The following CACNA2D3 variants were observed in gnomAD, a reference collection of about 807,000 sequenced individuals.
CACNA2D3 encodes the protein calcium voltage-gated channel auxiliary subunit alpha2delta 3, also known as voltage-dependent calcium channel subunit alpha-2/delta-3.
Under a neutral mutation model 160.6 loss-of-function variants are expected in CACNA2D3, and 60 were observed. The observed-to-expected ratio is 0.37, with a 90% confidence interval of 0.30 to 0.46. The LOEUF (loss-of-function observed/expected upper bound fraction) is 0.46, where lower values mean the gene tolerates loss of function less well. Among genes scored for constraint, CACNA2D3 ranks in the 20% least tolerant of loss-of-function variants. CACNA2D3 has a pLI of 1.00. For missense variants in CACNA2D3, 1,205 were observed against 1,365.0 expected (o/e 0.88, Z 1.85); for synonymous variants, 558 against 492.9 (o/e 1.13, Z -1.75).
intron 27 of CACNA2D3, among the ~76,000 whole-genome samples, chr3:54,941,438 G>C (rs2106985134): frequency 6.6e-6 from 1 of 152,212 alleles, no homozygotes; most frequent in Non-Finnish European, 1.5e-5. Context: ...ACTACTTATT[G>C]GCCCAGGGAT....
chr3:55,072,709 G>A (rs1213440228), intron 35 of CACNA2D3, among the ~76,000 whole-genome samples: 1 of 152,162 alleles, frequency 6.6e-6, no homozygotes, highest in African/African-American at 2.4e-5. Flanking sequence ...GTAGTGTTTT[G>A]TGTTTGTTAA....
At chr3:54,154,104 G>A (rs998802880) in intron 2 of CACNA2D3, among the ~76,000 whole-genome samples, 18 of 152,296 alleles carry the variant, frequency 1.2e-4, no homozygotes, top group South Asian at 2.1e-4. Context: ...CCGATAATAA[G>A]TGGACAAAAT....
intron 2 of CACNA2D3, among the ~76,000 whole-genome samples, chr3:54,235,755 G>T (rs1161331807): frequency 6.6e-6 from 1 of 152,216 alleles, no homozygotes; most frequent in Non-Finnish European, 1.5e-5. Flanking sequence ...CTCACAATAT[G>T]TATAAATAGG....
rs140641994 is a variant in CACNA2D3, at chr3:54,881,390, T to C, written c.1912+527T>C. Among the ~76,000 whole-genome samples the C allele has an allele frequency of 3.4e-3, 519 of 152,308 alleles. 3 individuals carry two copies. The highest frequency in any genetic ancestry group is 5.0e-3 in the Non-Finnish European group (341 of 68,030). The stretch of plus-strand genomic sequence containing the variant: ...AATGTGACCATTTAAATGATTTACA[T>C]AGGTCAGAGGGAGTAAGTAGCACCT... On this transcript the variant is annotated intron_variant, in intron 21 of 37. Transcript: ENST00000474759.
chr3:54,885,195 C>A, intron 21 of CACNA2D3, 86 bp from the exon 22 acceptor site: 1 of 1,442,408 alleles, frequency 6.9e-7, no homozygotes, highest in Non-Finnish European at 9.7e-7. Context: ...TAACCCACCC[C>A]GCAGCCCTAC....
chr3:54,357,008 C>G (rs923680607), intron 3 of CACNA2D3, among the ~76,000 whole-genome samples: 1 of 152,138 alleles, frequency 6.6e-6, no homozygotes, highest in Non-Finnish European at 1.5e-5. Context: ...GTAGGACCCC[C>G]TCCTTGTGGG....
intron 1 of CACNA2D3, 142 bp from the exon 2 acceptor site, chr3:54,123,371 G>A (rs934578109): frequency 2.2e-5 from 15 of 673,250 alleles, no homozygotes; most frequent in Non-Finnish European, 3.4e-5. Context: ...CTACCAAGCC[G>A]CTTTTTCTAT....
chr3:54,770,696 T>C (rs1370869648), intron 13 of CACNA2D3, among the ~76,000 whole-genome samples: 2 of 152,202 alleles, frequency 1.3e-5, no homozygotes, highest in Non-Finnish European at 2.9e-5. Context: ...GCACGAAGCA[T>C]ATGTCTGTTC....
At chr3:54,180,663 C>T (rs186720344) in intron 2 of CACNA2D3, among the ~76,000 whole-genome samples, 47 of 152,280 alleles carry the variant, frequency 3.1e-4, no homozygotes, top group Non-Finnish European at 5.6e-4. Flanking sequence ...GTCTTGTCTT[C>T]CTTTGAGGCT....
chr3:54,497,658 G>C (rs1383791148), intron 4 of CACNA2D3, among the ~76,000 whole-genome samples: 1 of 151,976 alleles, frequency 6.6e-6, no homozygotes, highest in African/African-American at 2.4e-5. Context: ...GAAGTGGTAA[G>C]ACAACCTTGC....
At chr3:54,324,517 T>G (rs1704079549) in intron 3 of CACNA2D3, among the ~76,000 whole-genome samples, 1 of 152,196 alleles carries the variant, frequency 6.6e-6, no homozygotes, top group Non-Finnish European at 1.5e-5. Context: ...GTAGCATTTC[T>G]TAACTAATAT....
At chr3:54,415,719 A>G (rs1235226970) in intron 4 of CACNA2D3, among the ~76,000 whole-genome samples, 2 of 152,172 alleles carry the variant, frequency 1.3e-5, no homozygotes, top group Non-Finnish European at 2.9e-5. Flanking sequence ...AGATACTATT[A>G]TCTCTGTTTT....
At chr3:54,351,355 G>T (rs1369441157) in intron 3 of CACNA2D3, among the ~76,000 whole-genome samples, 1 of 151,920 alleles carries the variant, frequency 6.6e-6, no homozygotes, top group African/African-American at 2.4e-5. Flanking sequence ...GCTGCTGCTT[G>T]CCGCCATTTT....
intron 2 of CACNA2D3, among the ~76,000 whole-genome samples, chr3:54,268,476 G>T (rs1018391723): frequency 6.6e-6 from 1 of 152,116 alleles, no homozygotes. Context: ...GTGGCGCAAT[G>T]TTGGCTCACT....
At chr3:54,524,628 A>G (rs1701696511) in intron 5 of CACNA2D3, among the ~76,000 whole-genome samples, 1 of 151,368 alleles carries the variant, frequency 6.6e-6, no homozygotes, top group Admixed American at 6.6e-5. Flanking sequence ...TTCTTTTTTC[A>G]TCTCTGTCAG....
chr3:54,452,933 T>G (rs1700333195), intron 4 of CACNA2D3, among the ~76,000 whole-genome samples: 1 of 152,116 alleles, frequency 6.6e-6, no homozygotes, highest in Non-Finnish European at 1.5e-5. Context: ...GGTGTTCGTC[T>G]GTGTTTCTAT....
chr3:54,254,150 T>A (rs1702250098), intron 2 of CACNA2D3, among the ~76,000 whole-genome samples: 1 of 152,170 alleles, frequency 6.6e-6, no homozygotes, highest in African/African-American at 2.4e-5. Context: ...CCCTAGAGAA[T>A]GTTGATGCTC....
intron 2 of CACNA2D3, among the ~76,000 whole-genome samples, chr3:54,287,123 A>G (rs1276931004): frequency 2.0e-5 from 3 of 151,926 alleles, no homozygotes; most frequent in Non-Finnish European, 2.9e-5. Context: ...ATTAAAAGAC[A>G]CAGACTGGCA....
chr3:54,832,653 C>T (rs1280914733), intron 14 of CACNA2D3, among the ~76,000 whole-genome samples: 1 of 152,198 alleles, frequency 6.6e-6, no homozygotes, highest in African/African-American at 2.4e-5. Context: ...TTAGTTCATG[C>T]TGGACTTGGA....
Sources: gnomAD v4.1 joint callset for allele counts (sites outside exome capture counted in the v4.1 genomes callset) on GRCh38, gnomAD v4.1.1 for gene constraint, MANE v1.5 for transcripts, NCBI Gene and HGNC (gene_info 2026-07-23, HGNC 2026-07-21) for gene names.